SLC25A6: variants seen among roughly 807,000 people sequenced by gnomAD.
SLC25A6 encodes solute carrier family 25 member 6, also known as ADP/ATP translocase 3.
Under a neutral mutation model 25.7 loss-of-function variants are expected in SLC25A6, and 9 were observed. The observed-to-expected ratio is 0.35, with a 90% confidence interval of 0.21 to 0.61. SLC25A6 has a LOEUF of 0.61. Among genes scored for constraint, SLC25A6 ranks in the 20% least tolerant of loss-of-function variants. The pLI, the probability that SLC25A6 is intolerant of heterozygous loss-of-function variation, is 0.76. For missense variants in SLC25A6, 404 were observed against 440.5 expected (o/e 0.92, Z 0.74); for synonymous variants, 223 against 197.0 (o/e 1.13, Z -1.11).
At position 1,386,851 on chromosome X, in the gene SLC25A6, A is replaced by T. The variant is rs181580046; in HGVS notation, c.740-92T>A. 7 of 1,423,648 alleles carry T rather than the reference A, an allele frequency of 4.9e-6. No homozygotes were observed. The African/African-American group carries it at 1.0e-4, about 20-fold the overall frequency. 88.2% of individuals were successfully genotyped at this position (1,423,648 alleles called of 1,614,324 possible). On this transcript the variant is annotated intron_variant, in intron 3 of 3. Transcript: ENST00000381401. ...CCCACAAAGACGTTTCACAGAAATA[A>T]CACCCCAGACGCCTGAGCCACAGTT...
At chrX:1,387,891 T>C (rs762775481) in intron 2 of SLC25A6, among the ~76,000 whole-genome samples, 1 of 151,838 alleles carries the variant, frequency 6.6e-6, no homozygotes, top group Admixed American at 6.6e-5. Context: ...TAAAAAGAGA[T>C]GAGGACACAG....
chrX:1,390,679 C>A lies in SLC25A6; in HGVS notation c.112-952G>T, dbSNP rs1162347015. Among the ~76,000 whole-genome samples, 11 of 150,950 alleles carry A rather than the reference C, an allele frequency of 7.3e-5. No individual in the cohort carries two copies. In the East Asian group the frequency reaches 2.0e-3, roughly 27 times the overall value. On this transcript the variant is annotated intron_variant, in intron 1 of 3. Coordinates refer to ENST00000381401, the MANE Select transcript of SLC25A6 (RefSeq NM_001636.4). The stretch of plus-strand genomic sequence containing the variant: ...GGGCCTCTCCAAGTGCTGGGACACC[C>A]CGCCCTGCTAAGTTTAAAAAATTTT...
chrX:1,386,460 C>T lies in SLC25A6; in HGVS notation c.*142G>A, dbSNP rs755793830. On this transcript the variant is annotated 3_prime_UTR_variant, in exon 4 of 4. Coordinates refer to ENST00000381401, the MANE Select transcript of SLC25A6 (RefSeq NM_001636.4). ...CAATGCGCCCCTTTTCTAGAGCCTTCCCCGGCCATCTACAGGCAGGATGCG... is the reference window on the plus strand; with the variant it reads ...CAATGCGCCCCTTTTCTAGAGCCTTTCCCGGCCATCTACAGGCAGGATGCG... 2.2e-5 allele frequency: 25 copies of T among 1,141,680 alleles called. No homozygotes were observed. The South Asian group carries it at 4.4e-4, about 20-fold the overall frequency. The allele number at this position is 1,141,680 out of a possible 1,614,324, so 70.7% of individuals were successfully genotyped here.
chrX:1,386,480 G>C lies in SLC25A6; in HGVS notation c.*122C>G. On this transcript the variant is annotated 3_prime_UTR_variant, in exon 4 of 4. Transcript: ENST00000381401. ...GCCTTCCCCGGCCATCTACAGGCAG[G>C]ATGCGGCTGGGAAAAAGACAACTGG... is the stretch of plus-strand genomic sequence containing the variant. The C allele has an allele frequency of 7.9e-7, 1 of 1,272,776 alleles. No individual in the cohort carries two copies. Among genetic ancestry groups the C allele is most frequent in the Non-Finnish European group, 1.0e-6 (1 of 963,494 alleles). The allele number at this position is 1,272,776 out of a possible 1,614,324, so 78.8% of individuals were successfully genotyped here.
rs764432623 is a variant in SLC25A6 at position 1,391,758 on chromosome X, G to A, written c.111+141C>T. The A allele has an allele frequency of 3.2e-5, 20 of 619,442 alleles. No homozygotes were observed. In the South Asian group the frequency reaches 4.1e-4, roughly 13 times the overall value. 38.4% of individuals were successfully genotyped at this position (619,442 alleles called of 1,614,324 possible). A position where few individuals can be genotyped will look rare whatever the true frequency, so the allele number is the denominator to read the frequency against. ...CGGTCACGTGACGCGGCCCCCGGAA[G>A]CCGGCGGCGCGTGGACAAAGCGATC... is the stretch of plus-strand genomic sequence containing the variant. On this transcript the variant is annotated intron_variant, in intron 1 of 3. Coordinates refer to ENST00000381401, the MANE Select transcript of SLC25A6 (RefSeq NM_001636.4).
intron 1 of SLC25A6, among the ~76,000 whole-genome samples, chrX:1,391,152 G>A (rs113659794): frequency 0.044 from 6,607 of 151,748 alleles, 237 homozygotes; most frequent in East Asian, 0.18. Flanking sequence ...TTTTTTTGAG[G>A]TGAGGTCTTG....
intron 1 of SLC25A6, among the ~76,000 whole-genome samples, chrX:1,391,697 G>C (rs1280838832): frequency 6.6e-6 from 1 of 152,228 alleles, no homozygotes; most frequent in Non-Finnish European, 1.5e-5. Context: ...GCCGGGCCCA[G>C]TGCGCACGCG....
chrX:1,389,487 C>A lies in SLC25A6; in HGVS notation c.352G>T (p.Ala118Ser). 2.5e-6 allele frequency: 4 copies of A among 1,614,090 alleles called. No individual in the cohort carries two copies. Among genetic ancestry groups the A allele is most frequent in the Non-Finnish European group, 3.4e-6 (4 of 1,180,002 alleles). The change falls in exon 2 of 4, where the codon GCC (alanine) becomes TCC (serine). Residue 118 changes from alanine (A) to serine (S), a missense_variant. Coordinates refer to ENST00000381401, the MANE Select transcript of SLC25A6 (RefSeq NM_001636.4). ...GTCGCGCCGGCCGCACCGCCGGAGG[C>A]CAGGTTGCCCGCAAAGTACCTCCAG... ...QFWRYFAGNLASGGAAGATSL... is the reference protein window; with the variant it reads ...QFWRYFAGNLSSGGAAGATSL...
chrX:1,391,763 C>G (rs1377265087), intron 1 of SLC25A6, 136 bp downstream of exon 1: 1 of 630,928 alleles, frequency 1.6e-6, no homozygotes, highest in African/African-American at 1.9e-5. Context: ...CGGAAGCCGG[C>G]GGCGCGTGGA....
At position 1,386,572 on chromosome X, in the gene SLC25A6, TG is replaced by T; in HGVS notation, c.*29del. On this transcript the variant is annotated 3_prime_UTR_variant, in exon 4 of 4. Coordinates refer to ENST00000381401, the MANE Select transcript of SLC25A6 (RefSeq NM_001636.4). ...CGTGGTTCTCTTGGTTCCCCTGGTG[TG>T]TGTGTGTGTGTGGAGGAGGCCGCGG... is the stretch of plus-strand genomic sequence containing the variant. 2 of 1,478,240 alleles carry T rather than the reference TG, an allele frequency of 1.4e-6. No individual in the cohort carries two copies. The highest frequency in any genetic ancestry group is 1.8e-6 in the Non-Finnish European group (2 of 1,108,220). 91.6% of individuals were successfully genotyped at this position (1,478,240 alleles called of 1,614,324 possible). A position where few individuals can be genotyped will look rare whatever the true frequency, so the allele number is the denominator to read the frequency against.
intron 1 of SLC25A6, 122 bp downstream of exon 1, chrX:1,391,777 A>G (rs1273115096): frequency 1.1e-5 from 8 of 702,596 alleles, no homozygotes; most frequent in South Asian, 1.8e-5. Flanking sequence ...GCGTGGACAA[A>G]GCGATCGCGG....
rs746591417 is a variant in SLC25A6 at position 1,386,723 on chromosome X, C to T, written c.776G>A (p.Arg259Lys). The T allele has an allele frequency of 6.2e-6, 10 of 1,612,482 alleles. No individual in the cohort carries two copies. In the East Asian group the frequency reaches 2.2e-4, roughly 36 times the overall value. ...IMYTGTVDCW[R>K]KIFRDEGGKA... ...GCCCCCCTCATCTCTGAAGATCTTC[C>T]TCCAACAGTCGACGGTGCCCGTGTA... The change falls in exon 4 of 4, where the codon AGG becomes AAG. Residue 259 changes from arginine (R) to lysine (K), a missense_variant. Physicochemically the swap from Arg to Lys is conservative, Grantham distance 26 (BLOSUM62 2). Transcript: ENST00000381401.
chrX:1,389,318 T>G lies in SLC25A6; in HGVS notation c.521A>C (p.Tyr174Ser). 6.2e-7 allele frequency: 1 copy of G among 1,613,888 alleles called. No homozygotes were observed. The highest frequency in any genetic ancestry group is 8.5e-7 in the Non-Finnish European group (1 of 1,179,868). The change falls in exon 2 of 4, where the codon TAC becomes TCC. Residue 174 changes from tyrosine to serine, a missense_variant. Transcript: ENST00000381401. The part of the protein sequence containing the change: ...ITKSDGIRGL[Y>S]QGFSVSVQGI... Reference sequence around the variant, plus strand: ...CTGCACGGAGACACTGAAGCCCTGGTACAGGCCCCGGATGCCGTCGGACTT... The same window carrying G: ...CTGCACGGAGACACTGAAGCCCTGGGACAGGCCCCGGATGCCGTCGGACTT...
At chrX:1,391,361 G>A (rs1277479649) in intron 1 of SLC25A6, among the ~76,000 whole-genome samples, 3 of 152,170 alleles carry the variant, frequency 2.0e-5, no homozygotes, top group Admixed American at 1.3e-4. Context: ...CTTTCTATAA[G>A]CCTCTCCCAA....
At chrX:1,388,850 C>A (rs1488070932) in intron 2 of SLC25A6, among the ~76,000 whole-genome samples, 1 of 147,664 alleles carries the variant, frequency 6.8e-6, no homozygotes, top group Non-Finnish European at 1.5e-5. Context: ...CCCGTGAGGG[C>A]ACAGGGAGAA....
At chrX:1,387,467 C>A (rs754876430) in intron 2 of SLC25A6, 48 bp from the exon 3 acceptor site, 2 of 1,603,542 alleles carry the variant, frequency 1.2e-6, no homozygotes, top group African/African-American at 1.3e-5. Flanking sequence ...CACGGCCACC[C>A]GAGACCAGGG....
chrX:1,386,551 G>GTTCTCT lies in SLC25A6; in HGVS notation c.*45_*50dup, dbSNP rs1356977159. 2 of 1,465,018 alleles carry GTTCTCT rather than the reference G, an allele frequency of 1.4e-6. No individual in the cohort carries two copies. The highest frequency in any genetic ancestry group is 1.8e-6 in the Non-Finnish European group (2 of 1,106,780). 90.8% of individuals were successfully genotyped at this position (1,465,018 alleles called of 1,614,324 possible). On this transcript the variant is annotated 3_prime_UTR_variant, in exon 4 of 4. Transcript: ENST00000381401. ...TCCGCACGGTTGAGGATTCTACGTG[G>GTTCTCT]TTCTCTTGGTTCCCCTGGTGTGTGT...
At chrX:1,388,772 G>C (rs1411858886) in intron 2 of SLC25A6, among the ~76,000 whole-genome samples, 2 of 151,696 alleles carry the variant, frequency 1.3e-5, no homozygotes, top group African/African-American at 2.4e-5. Context: ...TGTGATAGCA[G>C]CCTGAAATGG....
chrX:1,387,542 C>T lies in SLC25A6; in HGVS notation c.599-123G>A, dbSNP rs2089342017. 39 of 1,383,290 alleles carry T rather than the reference C, an allele frequency of 2.8e-5. No individual in the cohort carries two copies. The South Asian group carries it at 5.1e-4, about 18-fold the overall frequency. The allele number at this position is 1,383,290 out of a possible 1,614,324, so 85.7% of individuals were successfully genotyped here. On this transcript the variant is annotated intron_variant, in intron 2 of 3. Transcript: ENST00000381401. Reference sequence around the variant, plus strand: ...CCGAGCTCTTCCGAGACCACCAGTGCCCCCTCCACGTGGCTGCTCAGTGCC... The same window carrying T: ...CCGAGCTCTTCCGAGACCACCAGTGTCCCCTCCACGTGGCTGCTCAGTGCC...
Sources: gnomAD v4.1 joint callset for allele counts (sites outside exome capture counted in the v4.1 genomes callset) on GRCh38, gnomAD v4.1.1 for gene constraint, MANE v1.5 for transcripts, NCBI Gene and HGNC (gene_info 2026-07-23, HGNC 2026-07-21) for gene names.